SMARCD2: variants seen among roughly 807,000 people sequenced by gnomAD.
The protein encoded by SMARCD2 is SWI/SNF related BAF chromatin remodeling complex subunit D2.
SMARCD2 carries 39 observed loss-of-function variants against 70.4 expected under a neutral mutation model. The observed-to-expected ratio is 0.55, with a 90% CI of 0.43 to 0.72. The LOEUF is 0.72. Ranked by LOEUF, SMARCD2 falls within the 30% of genes least tolerant of loss-of-function variation. The pLI is 0.00. For missense variants in SMARCD2, 540 were observed against 713.4 expected, an observed-to-expected ratio of 0.76 and a Z score of 2.77; for synonymous variants, 249 against 279.4, an observed-to-expected ratio of 0.89 and a Z score of 1.08.
rs369172358 is a variant in SMARCD2 at position 63,835,552 on chromosome 17, G to A, written c.583C>T (p.Arg195Trp). ...CTGAACGTATTGGAAATGTAGATCC[G>A]AAGCTTTCGCTTTTGCTAAAGAGAG... is the stretch of plus-strand genomic sequence containing the variant. ...KKPLTQKRKLRIYISNTFSPS... is the reference protein window; with the variant it reads ...KKPLTQKRKLWIYISNTFSPS... The change falls in exon 5 of 13, where the codon CGG (arginine) becomes TGG (tryptophan). Residue 195 changes from arginine to tryptophan, a missense_variant. Coordinates refer to ENST00000448276, the MANE Select transcript of SMARCD2 (RefSeq NM_001098426.2). 5.6e-6 allele frequency: 9 copies of A among 1,613,718 alleles called. No individual in the cohort carries two copies. The highest frequency in any genetic ancestry group is 2.2e-5 in the South Asian group (2 of 91,054).
rs751640456 is a variant in SMARCD2 at position 63,837,606 on chromosome 17, C to T, written c.236G>A (p.Gly79Glu). 6.2e-7 allele frequency: 1 copy of T among 1,612,952 alleles called. No individual in the cohort carries two copies. Among genetic ancestry groups the T allele is most frequent in the South Asian group, 1.1e-5 (1 of 90,998 alleles). ...CAAGCCAGCCATGGGCATCCGGTTC[C>T]CTGGTGACATGCCAGGTCGCTGGGG... ...AQYQRPGMSPGNRMPMAGLQV... is the reference protein window; with the variant it reads ...AQYQRPGMSPENRMPMAGLQV... Residue 79 changes from glycine (G) to glutamate (E), a missense_variant, in exon 2 of 13, where the codon GGG (glycine) becomes GAG (glutamate). Transcript: ENST00000448276. This position sits in a 1 kb window ranked among gnomAD's most constrained non-coding sequence, Gnocchi z 6.4.
At chr17:63,835,299 T>G in intron 5 of SMARCD2, 113 bp downstream of exon 5, 1 of 1,170,848 alleles carries the variant, frequency 8.5e-7, no homozygotes, top group Non-Finnish European at 1.2e-6. Flanking sequence ...ATTTTTAAAT[T>G]TTTTGTAGAG....
intron 1 of SMARCD2, among the ~76,000 whole-genome samples, chr17:63,841,446 T>C (rs1169555980): frequency 6.6e-6 from 1 of 152,204 alleles, no homozygotes; most frequent in Admixed American, 6.5e-5. Context: ...CTTGGGCACA[T>C]GGCTTCGGAC....
intron 1 of SMARCD2, among the ~76,000 whole-genome samples, chr17:63,839,623 A>G (rs1904369371): frequency 1.3e-5 from 2 of 152,086 alleles, no homozygotes; most frequent in East Asian, 1.9e-4. Context: ...AGTTAAAGAA[A>G]AAAAAAAAAG....
At position 63,833,475 on chromosome 17, in the gene SMARCD2, G is replaced by A; in HGVS notation, c.1318-55C>T. 2 of 1,610,588 alleles carry A rather than the reference G, an allele frequency of 1.2e-6. No individual in the cohort carries two copies. Among genetic ancestry groups the A allele is most frequent in the Non-Finnish European group, 8.5e-7 (1 of 1,177,476 alleles). ...CCCCAAAGCTTACATGCAAGCAACT[G>A]AGCCAGAGTTCCCATCCCGTCCTCC... On this transcript the variant is annotated intron_variant, in intron 10 of 12. Transcript: ENST00000448276. This position sits in a 1 kb window ranked among gnomAD's most constrained non-coding sequence, Gnocchi z 4.3.
At position 63,833,639 on chromosome 17, in the gene SMARCD2, T is replaced by C. The variant is rs2040224325; in HGVS notation, c.1265A>G (p.Asn422Ser). 3.1e-6 allele frequency: 5 copies of C among 1,613,714 alleles called. No homozygotes were observed. The highest frequency in any genetic ancestry group is 1.3e-5 in the African/African-American group (1 of 74,856). ...CTGATTGGTGGTAGAGGCCAGAAAA[T>C]TGCTCATTTGGGCCTTCAGTGGGTC... is the stretch of plus-strand genomic sequence containing the variant. ...VDDPLKAQMS[N>S]FLASTTNQQE... Residue 422 changes from asparagine (N) to serine (S), a missense_variant, in exon 10 of 13, where the codon AAT becomes AGT. Physicochemically the swap from Asn to Ser is conservative, Grantham distance 46. Transcript: ENST00000448276. The surrounding 1 kb of genome is among the most constrained non-coding windows in gnomAD (Gnocchi z 4.3).
chr17:63,837,299 A>T lies in SMARCD2; in HGVS notation c.402-62T>A. ...TCCAAAAAAGGACACTCACTCCCAT[A>T]ACGCCCCTCCAGTCTCCAGGACCCT... On this transcript the variant is annotated intron_variant, in intron 2 of 12. Coordinates refer to ENST00000448276, the MANE Select transcript of SMARCD2 (RefSeq NM_001098426.2). The surrounding 1 kb of genome is among the most constrained non-coding windows in gnomAD (Gnocchi z 6.4). 6 of 1,562,858 alleles carry T rather than the reference A, an allele frequency of 3.8e-6. No individual in the cohort carries two copies. The highest frequency in any genetic ancestry group is 5.3e-6 in the Non-Finnish European group (6 of 1,133,526).
At chr17:63,838,890 A>G (rs1002816334) in intron 1 of SMARCD2, 3 of 985,420 alleles carry the variant, frequency 3.0e-6, no homozygotes, top group Non-Finnish European at 3.6e-6. Flanking sequence ...TTCATCCCGC[A>G]CTAAACCCAT....
At position 63,834,988 on chromosome 17, in the gene SMARCD2, A is replaced by C. The variant is rs932496320; in HGVS notation, c.724-188T>G. 1.3e-5 allele frequency: 8 copies of C among 594,624 alleles called. No individual in the cohort carries two copies. In the Admixed American group the frequency reaches 2.4e-4, roughly 18 times the overall value. 36.8% of individuals were successfully genotyped at this position (594,624 alleles called of 1,614,324 possible). A position where few individuals can be genotyped will look rare whatever the true frequency, so the allele number is the denominator to read the frequency against. On this transcript the variant is annotated intron_variant, in intron 5 of 12. Coordinates refer to ENST00000448276, the MANE Select transcript of SMARCD2 (RefSeq NM_001098426.2). This position sits in a 1 kb window ranked among gnomAD's most constrained non-coding sequence, Gnocchi z 5.6. Reference sequence around the variant, plus strand: ...GGGAAATGGTGCCCTCTTGCAGCCCACGAGGGACTTCCTCGAGACACTCGA... The same window carrying C: ...GGGAAATGGTGCCCTCTTGCAGCCCCCGAGGGACTTCCTCGAGACACTCGA...
chr17:63,840,323 C>T (rs1446996982), intron 1 of SMARCD2, among the ~76,000 whole-genome samples: 22 of 143,060 alleles, frequency 1.5e-4, no homozygotes, highest in African/African-American at 5.6e-4. Flanking sequence ...GCGCACACCA[C>T]CATGCTTGGC....
chr17:63,841,939 C>G (rs546971143), intron 1 of SMARCD2, among the ~76,000 whole-genome samples: 50 of 152,360 alleles, frequency 3.3e-4, no homozygotes, highest in African/African-American at 1.2e-3. Flanking sequence ...CTGGCCCTAG[C>G]CTCAGCGTCC....
In SMARCD2 at chr17:63,837,435, T is replaced by C; in HGVS notation, c.401+6A>G. Reference sequence around the variant, plus strand: ...AGGCAGAGTGAGAGAAGCAGGATGCTCTTACCCCCGGCGCTGGGCAGGCAT... The same window carrying C: ...AGGCAGAGTGAGAGAAGCAGGATGCCCTTACCCCCGGCGCTGGGCAGGCAT... On this transcript the variant is annotated splice_donor_region_variant and intron_variant, in intron 2 of 12. Coordinates refer to ENST00000448276, the MANE Select transcript of SMARCD2 (RefSeq NM_001098426.2). This position sits in a 1 kb window ranked among gnomAD's most constrained non-coding sequence, Gnocchi z 6.4. 1 of 1,571,766 alleles carries C rather than the reference T, an allele frequency of 6.4e-7. No homozygotes were observed. The highest frequency in any genetic ancestry group is 1.2e-5 in the South Asian group (1 of 84,454).
At position 63,834,661 on chromosome 17, in the gene SMARCD2, C is replaced by T; in HGVS notation, c.819+44G>A. The T allele has an allele frequency of 6.3e-7, 1 of 1,581,814 alleles. No individual in the cohort carries two copies. Among genetic ancestry groups the T allele is most frequent in the Non-Finnish European group, 8.7e-7 (1 of 1,150,894 alleles). ...AAGGGCCCTGAGGCCATTTCCCTGC[C>T]AAACCTGCACATCAGCCTGCTTTTG... On this transcript the variant is annotated intron_variant, in intron 6 of 12. Transcript: ENST00000448276. The surrounding 1 kb of genome is among the most constrained non-coding windows in gnomAD (Gnocchi z 5.6).
rs761422612 is a variant in SMARCD2 at position 63,832,988 on chromosome 17, G to C, written c.1546C>G (p.Gln516Glu). The change falls in exon 13 of 13, where the codon CAG becomes GAG. Residue 516 changes from glutamine to glutamate, a missense_variant. Transcript: ENST00000448276. ...AVGRHIFAKV[Q>E]QRRQELEQVL... Reference sequence around the variant, plus strand: ...TGTTCCAGTTCCTGCCTTCGCTGCTGCACCTGGAGAAGGGAGAAACCAAGT... The same window carrying C: ...TGTTCCAGTTCCTGCCTTCGCTGCTCCACCTGGAGAAGGGAGAAACCAAGT... 4 of 1,586,358 alleles carry C rather than the reference G, an allele frequency of 2.5e-6. No individual in the cohort carries two copies. In the African/African-American group the frequency reaches 5.4e-5, roughly 21 times the overall value.
chr17:63,839,671 CA>C (rs1382043024), intron 1 of SMARCD2, among the ~76,000 whole-genome samples: 1 of 151,920 alleles, frequency 6.6e-6, no homozygotes, highest in African/African-American at 2.4e-5. Flanking sequence ...TCCCTGCCTG[CA>C]GCAGGACCAG....
intron 1 of SMARCD2, 148 bp downstream of exon 1, chr17:63,842,311 G>A: frequency 1.8e-6 from 2 of 1,141,644 alleles, no homozygotes; most frequent in Non-Finnish European, 1.1e-6. Flanking sequence ...GCGACCCGCC[G>A]CAGCCCGAGG....
chr17:63,835,908 T>C (rs974421156), intron 4 of SMARCD2, among the ~76,000 whole-genome samples: 4 of 152,128 alleles, frequency 2.6e-5, no homozygotes, highest in African/African-American at 9.7e-5. Flanking sequence ...TTTTGTGTTT[T>C]TGTAAAGATG....
rs762396735 is a variant in SMARCD2, at chr17:63,837,504, T to G, written c.338A>C (p.Asp113Ala). The change falls in exon 2 of 13, where the codon GAT becomes GCT. Residue 113 changes from aspartate to alanine, a missense_variant. Coordinates refer to ENST00000448276, the MANE Select transcript of SMARCD2 (RefSeq NM_001098426.2). This position sits in a 1 kb window ranked among gnomAD's most constrained non-coding sequence, Gnocchi z 6.4. ...CACAAGCAGGCGTTTTCGGAATGGA[T>G]CCATCATGGTGGGTGGCATGCCAGG... Reference protein sequence around the residue: ...LRPGMPPTMMDPFRKRLLVPQ... With the variant: ...LRPGMPPTMMAPFRKRLLVPQ... 56 of 1,601,454 alleles carry G rather than the reference T, an allele frequency of 3.5e-5. No individual in the cohort carries two copies. Among genetic ancestry groups the G allele is most frequent in the Non-Finnish European group, 4.5e-5 (53 of 1,172,284 alleles).
intron 1 of SMARCD2, among the ~76,000 whole-genome samples, chr17:63,839,915 T>G (rs915226724): frequency 6.6e-6 from 1 of 152,016 alleles, no homozygotes; most frequent in Non-Finnish European, 1.5e-5. Flanking sequence ...GATCACAAGG[T>G]CAGGAGTTCG....
Sources: allele counts gnomAD v4.1 joint callset (sites outside exome capture counted in the v4.1 genomes callset), GRCh38; gene constraint gnomAD v4.1.1; non-coding constraint Gnocchi (gnomAD v3.1); transcripts MANE v1.5; gene names NCBI Gene and HGNC (gene_info 2026-07-23, HGNC 2026-07-21).